Variants in MAPK10 observed in about 807,000 individuals in gnomAD.
MAPK10 encodes JNK3 alpha protein kinase.
In MAPK10, 25 loss-of-function variants were observed where a neutral mutation model predicts 59.3. The observed-to-expected ratio is 0.42, with a 90% CI of 0.31 to 0.59. MAPK10 has a LOEUF of 0.59. Ranked by LOEUF, MAPK10 falls within the 20% of genes least tolerant of loss-of-function variation. MAPK10 has a pLI of 0.15. For missense variants in MAPK10, 351 were observed against 568.9 expected (o/e 0.62, Z 3.90); for synonymous variants, 190 against 200.5 (o/e 0.95, Z 0.44).
At chr4:86,101,370 T>G (rs1483324028) in intron 7 of MAPK10, 153 bp from the exon 8 acceptor site, 1 of 540,126 alleles carries the variant, frequency 1.9e-6, no homozygotes, top group Non-Finnish European at 3.3e-6. Flanking sequence ...CTGCTACAAA[T>G]AAGTTAACTA....
chr4:86,122,667 A>G (rs1191365818), intron 4 of MAPK10, among the ~76,000 whole-genome samples: 1 of 152,096 alleles, frequency 6.6e-6, no homozygotes. Flanking sequence ...GTAAGCTGAC[A>G]CAATTGAGAT....
At chr4:86,134,934 T>A (rs2061645870) in intron 4 of MAPK10, among the ~76,000 whole-genome samples, 1 of 152,200 alleles carries the variant, frequency 6.6e-6, no homozygotes, top group South Asian at 2.1e-4. Context: ...GGATGGCACC[T>A]GGAAAATCGG....
chr4:86,197,443 C>T (rs2081589520), intron 2 of MAPK10, among the ~76,000 whole-genome samples: 1 of 152,114 alleles, frequency 6.6e-6, no homozygotes. Context: ...TGCTTATCAG[C>T]TTAAGGAGAT....
chr4:86,481,231 T>C (rs1753582814), intron 1 of MAPK10, among the ~76,000 whole-genome samples: 1 of 152,150 alleles, frequency 6.6e-6, no homozygotes, highest in African/African-American at 2.4e-5. Flanking sequence ...AATTCTAGCT[T>C]CTATGACTTG....
intron 6 of MAPK10, chr4:86,102,257 C>A: frequency 2.4e-6 from 1 of 422,560 alleles, no homozygotes; most frequent in Non-Finnish European, 4.2e-6. Context: ...GGTTCATGTC[C>A]ACAGATTTGT....
chr4:86,215,326 C>A (rs1463801870), intron 2 of MAPK10, among the ~76,000 whole-genome samples: 1 of 152,092 alleles, frequency 6.6e-6, no homozygotes, highest in Non-Finnish European at 1.5e-5. Context: ...CAACATAGAA[C>A]AAACCTTCAC....
chr4:86,515,954 C>T (rs1756631305), intron 1 of MAPK10, among the ~76,000 whole-genome samples: 3 of 151,282 alleles, frequency 2.0e-5, no homozygotes, highest in Admixed American at 2.0e-4. Flanking sequence ...GAACTCTTTG[C>T]CTAAGCCAAT....
intron 1 of MAPK10, among the ~76,000 whole-genome samples, chr4:86,369,457 G>A (rs1341541220): frequency 2.6e-5 from 4 of 151,980 alleles, no homozygotes; most frequent in East Asian, 1.9e-4. Flanking sequence ...CATGATGATC[G>A]TATACAAACA....
chr4:86,164,285 A>C (rs1055463292), intron 3 of MAPK10, among the ~76,000 whole-genome samples: 1 of 152,172 alleles, frequency 6.6e-6, no homozygotes, highest in African/African-American at 2.4e-5. Context: ...AAAACCATTA[A>C]ATCCAGTTTT....
At chr4:86,525,546 C>T (rs1269658157) in intron 1 of MAPK10, among the ~76,000 whole-genome samples, 2 of 152,134 alleles carry the variant, frequency 1.3e-5, no homozygotes, top group Admixed American at 1.3e-4. Flanking sequence ...TTATTCCTGG[C>T]TAACAAAGCT....
intron 2 of MAPK10, among the ~76,000 whole-genome samples, chr4:86,221,859 A>G (rs2089708139): frequency 6.6e-6 from 1 of 152,140 alleles, no homozygotes; most frequent in South Asian, 2.1e-4. Context: ...TGATTGGAAC[A>G]TGGGGGTGGA....
At chr4:86,585,731 C>T (rs962754371) in intron 1 of MAPK10, among the ~76,000 whole-genome samples, 2 of 152,148 alleles carry the variant, frequency 1.3e-5, no homozygotes, top group African/African-American at 2.4e-5. Context: ...ATATGAATAT[C>T]GTAAGTCTGG....
rs1317188111 is a variant in MAPK10, at chr4:86,012,941, G to A, written c.*4287C>T. 1.3e-5 allele frequency: 2 copies of A among 152,166 alleles called. No homozygotes were observed. The highest frequency in any genetic ancestry group is 4.8e-5 in the African/African-American group (2 of 41,430). The allele number at this position is 152,166 out of a possible 1,614,324, so 9.4% of individuals were successfully genotyped here. On this transcript the variant is annotated 3_prime_UTR_variant, in exon 14 of 14. Transcript: ENST00000641462. ...ATAGTCTTTGGAGTCCAATCATGCA[G>A]AAAAACAGGCAGGTGCAAGTTAGGT...
At chr4:86,388,494 T>A (rs938823877) in intron 1 of MAPK10, among the ~76,000 whole-genome samples, 9 of 152,160 alleles carry the variant, frequency 5.9e-5, no homozygotes, top group African/African-American at 2.2e-4. Flanking sequence ...TAATCATACA[T>A]AAGATGACTT....
chr4:86,064,854 T>G (rs1342535748), intron 10 of MAPK10: 3 of 153,048 alleles, frequency 2.0e-5, no homozygotes, highest in Admixed American at 2.0e-4. Context: ...ATAAATTGAC[T>G]TAAGAGTTTG....
chr4:86,386,211 G>A (rs111912726), intron 1 of MAPK10, among the ~76,000 whole-genome samples: 4,186 of 152,210 alleles, frequency 0.028, 84 homozygotes, highest in South Asian at 0.052. Context: ...GCGATACTCC[G>A]CTCCTGGTTG....
chr4:86,358,117 C>A (rs1196179105), intron 1 of MAPK10: 36 of 985,236 alleles, frequency 3.7e-5, no homozygotes, highest in Non-Finnish European at 3.6e-5. Flanking sequence ...AAGCATCCAG[C>A]CCCTAAAATC....
chr4:86,223,248 C>T (rs2148646794), intron 2 of MAPK10, among the ~76,000 whole-genome samples: 1 of 152,238 alleles, frequency 6.6e-6, no homozygotes, highest in South Asian at 2.1e-4. Flanking sequence ...TAGAATCTGC[C>T]CAAATTTGCA....
At chr4:86,113,091 T>A (rs547222771) in intron 4 of MAPK10, among the ~76,000 whole-genome samples, 10 of 152,200 alleles carry the variant, frequency 6.6e-5, no homozygotes, top group Admixed American at 2.0e-4. Flanking sequence ...TATCCCTTTA[T>A]TTTGAGCCTA....
Sources: allele counts gnomAD v4.1 joint callset (sites outside exome capture counted in the v4.1 genomes callset), GRCh38; gene constraint gnomAD v4.1.1; transcripts MANE v1.5; gene names NCBI Gene and HGNC (gene_info 2026-07-23, HGNC 2026-07-21).